ARID1A: variants seen among roughly 807,000 people sequenced by gnomAD.
ARID1A encodes the protein AT-rich interaction domain 1A.
A neutral mutation model predicts 212.6 loss-of-function variants in ARID1A; 20 were observed. The observed-to-expected ratio is 0.09, with a 90% CI of 0.07 to 0.14. The LOEUF is 0.14. Among genes scored for constraint, ARID1A ranks in the 10% least tolerant of loss-of-function variants. The pLI, the probability that ARID1A is intolerant of heterozygous loss-of-function variation, is 1.00. For missense variants in ARID1A, 2,587 were observed against 3,059.0 expected (o/e 0.85, Z 3.64); for synonymous variants, 1,376 against 1,222.1 (o/e 1.13, Z -2.63).
chr1:26,721,304 C>G (rs1300255617), intron 1 of ARID1A, among the ~76,000 whole-genome samples: 1 of 152,096 alleles, frequency 6.6e-6, no homozygotes, highest in Non-Finnish European at 1.5e-5. Flanking sequence ...CTCCACCTCC[C>G]AGGTTCAAGT....
intron 1 of ARID1A, among the ~76,000 whole-genome samples, chr1:26,704,935 A>C (rs935404609): frequency 6.6e-6 from 1 of 152,088 alleles, no homozygotes; most frequent in African/African-American, 2.4e-5. Flanking sequence ...ACCAATGCTT[A>C]ATCCTTGTGG....
rs2081000924 is a variant in ARID1A, at chr1:26,762,390, C to T, written c.2419+71C>T. 4 of 1,515,298 alleles carry T rather than the reference C, an allele frequency of 2.6e-6. No individual in the cohort carries two copies. In the East Asian group the frequency reaches 7.0e-5, roughly 26 times the overall value. 93.9% of individuals were successfully genotyped at this position (1,515,298 alleles called of 1,614,324 possible). ...AACAGTTCCTTGTCTGATATGTTGC[C>T]ATCTAGCTTGTAACCTTGTGAGAGA... On this transcript the variant is annotated intron_variant, in intron 7 of 19. Coordinates refer to ENST00000324856, the MANE Select transcript of ARID1A (RefSeq NM_006015.6).
chr1:26,704,159 C>T (rs561570009), intron 1 of ARID1A, among the ~76,000 whole-genome samples: 6 of 152,320 alleles, frequency 3.9e-5, no homozygotes, highest in South Asian at 4.1e-4. Context: ...AATTTGGACT[C>T]TAACCATAAA....
At chr1:26,736,748 C>A (rs1198373448) in intron 4 of ARID1A, among the ~76,000 whole-genome samples, 2 of 148,414 alleles carry the variant, frequency 1.3e-5, no homozygotes, top group African/African-American at 5.0e-5. Flanking sequence ...ACTAAAAATA[C>A]AAAATTAGCC....
At position 26,775,671 on chromosome 1, in the gene ARID1A, T is replaced by C. The variant is rs775053099; in HGVS notation, c.5088T>C (p.Tyr1696=). ...TAGATACCATCAACATCCTGCTGTATGATGACAACAGCATCATGACCTTCA... is the reference window on the plus strand; with the variant it reads ...TAGATACCATCAACATCCTGCTGTACGATGACAACAGCATCATGACCTTCA... The part of the protein sequence containing the change: ...WALDTINILL[Y]DDNSIMTFNL... Residue 1696 remains tyrosine (Y), a synonymous_variant, in exon 19 of 20, where the codon TAT becomes TAC. Transcript: ENST00000324856. The C allele has an allele frequency of 2.0e-5, 32 of 1,614,102 alleles. No homozygotes were observed. In the Middle Eastern group the frequency reaches 4.9e-4, roughly 25 times the overall value.
intron 1 of ARID1A, among the ~76,000 whole-genome samples, chr1:26,702,609 A>G (rs2080341917): frequency 1.3e-5 from 2 of 152,320 alleles, no homozygotes; most frequent in East Asian, 1.9e-4. Context: ...GCAAATTAAT[A>G]AACAGTTTTC....
At chr1:26,736,628 C>G (rs970917414) in intron 4 of ARID1A, among the ~76,000 whole-genome samples, 1 of 74,020 alleles carries the variant, frequency 1.4e-5, no homozygotes, top group Non-Finnish European at 2.7e-5. Context: ...GACTCTGTCT[C>G]AAAAAAAAAA....
At chr1:26,698,702 ACTT>A (rs948127441) in intron 1 of ARID1A, among the ~76,000 whole-genome samples, 8 of 152,158 alleles carry the variant, frequency 5.3e-5, no homozygotes, top group African/African-American at 1.9e-4. Context: ...GGTATAAATG[ACTT>A]CTTTGATGGC....
rs2081173323 is a variant in ARID1A, at chr1:26,779,724, C to T, written c.5826C>T (p.Gly1942=). The T allele has an allele frequency of 1.9e-6, 3 of 1,614,004 alleles. No individual in the cohort carries two copies. In the African/African-American group the frequency reaches 4.0e-5, roughly 22 times the overall value. Residue 1942 remains glycine, a synonymous_variant, in exon 20 of 20, where the codon GGC becomes GGT. Coordinates refer to ENST00000324856, the MANE Select transcript of ARID1A (RefSeq NM_006015.6). ...AIKESSKFPF[G]ISPAQSHRNI... Reference sequence around the variant, plus strand: ...AGGAGAGCAGCAAGTTTCCATTTGGCATTAGCCCAGCACAGAGCCACCGGA... The same window carrying T: ...AGGAGAGCAGCAAGTTTCCATTTGGTATTAGCCCAGCACAGAGCCACCGGA...
rs532529970 is a variant in ARID1A at position 26,774,016 on chromosome 1, C to T, written c.4101+118C>T. ...ACTTTAGATATTTTGGCATTCTTCT[C>T]TCACCTGACTGGCCAGTCCTGCCTG... On this transcript the variant is annotated intron_variant, in intron 17 of 19. Transcript: ENST00000324856. This position sits in a 1 kb window ranked among gnomAD's most constrained non-coding sequence, Gnocchi z 5.6. 6.5e-5 allele frequency: 87 copies of T among 1,336,284 alleles called. 1 individual carries two copies. The highest frequency in any genetic ancestry group is 1.2e-4 in the Admixed American group (6 of 49,846). 82.8% of individuals were successfully genotyped at this position (1,336,284 alleles called of 1,614,324 possible).
intron 17 of ARID1A, 94 bp downstream of exon 17, chr1:26,773,992 CT>C: frequency 2.0e-6 from 3 of 1,473,430 alleles, no homozygotes; most frequent in Non-Finnish European, 2.8e-6. Flanking sequence ...AAGAAGCTCA[CT>C]TTAGATATTT....
Position 26,779,831 on chromosome 1 carries a change from C to T in ARID1A, c.5933C>T (p.Ala1978Val), listed in dbSNP as rs1412046209. 1 of 1,613,978 alleles carries T rather than the reference C, an allele frequency of 6.2e-7. No homozygotes were observed. Among genetic ancestry groups the T allele is most frequent in the South Asian group, 1.1e-5 (1 of 91,076 alleles). The stretch of plus-strand genomic sequence containing the variant: ...CTTCTGGACTGGCAGGATTCTCTTG[C>T]CAAGCGCTGCGTCTGTGTGTCCAAT... ...CTLLDWQDSL[A>V]KRCVCVSNTI... Residue 1978 changes from alanine to valine, a missense_variant, in exon 20 of 20, where the codon GCC becomes GTC. Physicochemically the swap from Ala to Val is moderately conservative, Grantham distance 64 (BLOSUM62 0). This residue lies in a region of ARID1A where 168 missense variants were observed against 321.0 expected (regional missense o/e 0.52). Transcript: ENST00000324856.
intron 4 of ARID1A, among the ~76,000 whole-genome samples, chr1:26,739,035 C>A (rs1425635645): frequency 6.6e-6 from 1 of 151,800 alleles, no homozygotes; most frequent in Admixed American, 6.6e-5. Flanking sequence ...TACGGGCACC[C>A]ACCACCACGC....
At chr1:26,756,737 CTG>C (rs2080941801) in intron 4 of ARID1A, among the ~76,000 whole-genome samples, 1 of 151,664 alleles carries the variant, frequency 6.6e-6, no homozygotes, top group Non-Finnish European at 1.5e-5. Flanking sequence ...GAGTCTCGCT[CTG>C]TCGCCCAGGC....
At chr1:26,766,621 T>G (rs899444795) in intron 10 of ARID1A, 55 bp downstream of exon 10, 7 of 1,488,928 alleles carry the variant, frequency 4.7e-6, no homozygotes, top group Non-Finnish European at 6.4e-6. Context: ...TTTTCAGTGA[T>G]AGGAAGGAAA....
intron 1 of ARID1A, among the ~76,000 whole-genome samples, chr1:26,715,840 T>TA (rs1305262348): frequency 0.011 from 1,574 of 146,478 alleles, 9 homozygotes; most frequent in Admixed American, 0.015. Context: ...AGACCCGTCT[T>TA]AAAAAAAAAA....
At position 26,696,138 on chromosome 1, in the gene ARID1A, C is replaced by A; in HGVS notation, c.-266C>A. On this transcript the variant is annotated 5_prime_UTR_variant, in exon 1 of 20. Coordinates refer to ENST00000324856, the MANE Select transcript of ARID1A (RefSeq NM_006015.6). ...GGGGAATGAGCCGGGAGAGCCGGGT[C>A]CCGAGCCTACAGAGCCGGGAGCAGC... 4.1e-6 allele frequency: 2 copies of A among 485,844 alleles called. No homozygotes were observed. The highest frequency in any genetic ancestry group is 9.1e-5 in the South Asian group (1 of 11,038). 30.1% of individuals were successfully genotyped at this position (485,844 alleles called of 1,614,324 possible). A position where few individuals can be genotyped will look rare whatever the true frequency, so the allele number is the denominator to read the frequency against.
intron 4 of ARID1A, among the ~76,000 whole-genome samples, chr1:26,757,418 C>T (rs1419090911): frequency 6.7e-6 from 1 of 148,252 alleles, no homozygotes; most frequent in African/African-American, 2.5e-5. Context: ...CACAGTGAGC[C>T]GCGATAGCGC....
chr1:26,696,994 GC>G lies in ARID1A; in HGVS notation c.595del (p.Gln199SerfsTer33). On this transcript the variant is annotated frameshift_variant, in exon 1 of 20. Coordinates refer to ENST00000324856, the MANE Select transcript of ARID1A (RefSeq NM_006015.6). LOFTEE classifies it high-confidence loss of function. ...GCGGGGGCCTGGAGCCCTACGCGGGGCCCCAGCAGAACTCTCACGACCACGG... is the reference window on the plus strand; with the variant it reads ...GCGGGGGCCTGGAGCCCTACGCGGGGCCCAGCAGAACTCTCACGACCACGG... Reference protein sequence around the residue: ...GGGGLEPYAGPQQNSHDHGFP... With the variant: ...GGGGLEPYAGXQQNSHDHGFP... 6.6e-7 allele frequency: 1 copy of G among 1,516,648 alleles called. No homozygotes were observed. Among genetic ancestry groups the G allele is most frequent in the South Asian group, 1.3e-5 (1 of 79,814 alleles). 93.9% of individuals were successfully genotyped at this position (1,516,648 alleles called of 1,614,324 possible). A position where few individuals can be genotyped will look rare whatever the true frequency, so the allele number is the denominator to read the frequency against.
Sources: gnomAD v4.1 joint callset for allele counts (sites outside exome capture counted in the v4.1 genomes callset) on GRCh38, gnomAD v4.1.1 for gene constraint, gnomAD v4.1.1 regional missense constraint, Gnocchi (gnomAD v3.1) non-coding constraint, MANE v1.5 for transcripts, NCBI Gene and HGNC (gene_info 2026-07-23, HGNC 2026-07-21) for gene names.